Variants in APBB2 observed in about 807,000 individuals in gnomAD.
APBB2 encodes the protein amyloid beta precursor protein binding family B member 2, also known as Fe65-like 1.
A neutral mutation model predicts 82.5 loss-of-function variants in APBB2; 38 were observed. That is an observed-to-expected ratio of 0.46 (90% CI 0.36 to 0.60). The LOEUF is 0.60. Among genes scored for constraint, APBB2 ranks in the 20% least tolerant of loss-of-function variants. APBB2 has a pLI of 0.00. For synonymous variants in APBB2, 341 were observed against 368.2 expected, an observed-to-expected ratio of 0.93 and a Z score of 0.85; for missense variants, 772 against 972.3, an observed-to-expected ratio of 0.79 and a Z score of 2.74.
At chr4:40,965,435 G>C (rs1313435901) in intron 6 of APBB2, among the ~76,000 whole-genome samples, 1 of 152,148 alleles carries the variant, frequency 6.6e-6, no homozygotes, top group Non-Finnish European at 1.5e-5. Flanking sequence ...CCAAGTTCTA[G>C]AGCTGTGCTG....
At chr4:41,102,436 C>G (rs1217065690) in intron 2 of APBB2, among the ~76,000 whole-genome samples, 6 of 152,202 alleles carry the variant, frequency 3.9e-5, no homozygotes, top group Admixed American at 3.3e-4. Context: ...TATTACCATA[C>G]AGCACACTCA....
At chr4:40,822,286 G>A in intron 16 of APBB2, 2 of 508,746 alleles carry the variant, frequency 3.9e-6, no homozygotes, top group Non-Finnish European at 7.1e-6. Flanking sequence ...GGTGTGATGT[G>A]GGTCCCATTC....
At chr4:41,078,096 G>A (rs1469757700) in intron 3 of APBB2, among the ~76,000 whole-genome samples, 1 of 152,132 alleles carries the variant, frequency 6.6e-6, no homozygotes, top group Non-Finnish European at 1.5e-5. Flanking sequence ...AAAACAAACT[G>A]AGATATAACT....
chr4:41,137,172 G>A (rs1387375557), intron 2 of APBB2, among the ~76,000 whole-genome samples: 1 of 152,106 alleles, frequency 6.6e-6, no homozygotes, highest in African/African-American at 2.4e-5. Context: ...TAATTCATAG[G>A]TTTTCTATTT....
chr4:40,935,015 C>T, intron 8 of APBB2, 62 bp downstream of exon 8: 3 of 1,308,476 alleles, frequency 2.3e-6, no homozygotes, highest in Non-Finnish European at 3.1e-6. Flanking sequence ...GAAAAATATA[C>T]AGCCACAGCC....
intron 1 of APBB2, among the ~76,000 whole-genome samples, chr4:41,197,732 A>T: frequency 1.3e-5 from 2 of 152,118 alleles, no homozygotes; most frequent in African/African-American, 4.8e-5. Context: ...ACTTTTCCTG[A>T]TACTCCTAGG....
chr4:41,136,595 G>A (rs1263089779), intron 2 of APBB2, among the ~76,000 whole-genome samples: 1 of 152,188 alleles, frequency 6.6e-6, no homozygotes, highest in Non-Finnish European at 1.5e-5. Context: ...GAAGAAAGCA[G>A]GAAGCAGATA....
intron 5 of APBB2, among the ~76,000 whole-genome samples, chr4:41,015,283 T>C (rs1327954602): frequency 6.6e-6 from 1 of 152,188 alleles, no homozygotes; most frequent in Non-Finnish European, 1.5e-5. Context: ...GAAAGAAAGG[T>C]TTCTTAGACT....
intron 3 of APBB2, among the ~76,000 whole-genome samples, chr4:41,079,353 C>T (rs1253375976): frequency 6.6e-6 from 1 of 152,194 alleles, no homozygotes; most frequent in African/African-American, 2.4e-5. Context: ...CTGATTGATA[C>T]ATTGCTCCAG....
intron 2 of APBB2, among the ~76,000 whole-genome samples, chr4:41,113,566 A>G (rs919266181): frequency 6.6e-6 from 1 of 152,218 alleles, no homozygotes; most frequent in Non-Finnish European, 1.5e-5. Flanking sequence ...TGCAGATGAC[A>G]TGATTGTGTA....
At chr4:41,152,468 G>T (rs146058692) in intron 1 of APBB2, among the ~76,000 whole-genome samples, 2 of 151,774 alleles carry the variant, frequency 1.3e-5, no homozygotes, top group Non-Finnish European at 2.9e-5. Flanking sequence ...GACTACAGGC[G>T]CCCACCACCA....
chr4:40,933,434 C>T (rs73244006), intron 10 of APBB2, among the ~76,000 whole-genome samples: 4,164 of 152,266 alleles, frequency 0.027, 81 homozygotes, highest in Middle Eastern at 0.048. Flanking sequence ...TGTATTGCAA[C>T]ATCAGTGTTG....
chr4:41,186,052 C>T (rs62410021), intron 1 of APBB2, among the ~76,000 whole-genome samples: 7,861 of 152,218 alleles, frequency 0.052, 454 homozygotes, highest in African/African-American at 0.14. Context: ...GTTTATAGCA[C>T]AAGAATGTCT....
At chr4:40,936,253 T>G (rs958159350) in intron 7 of APBB2, among the ~76,000 whole-genome samples, 1 of 152,220 alleles carries the variant, frequency 6.6e-6, no homozygotes, top group Non-Finnish European at 1.5e-5. Flanking sequence ...GCATTTATTT[T>G]GTTTAAAAAT....
chr4:41,103,669 T>C (rs1484459435), intron 2 of APBB2, among the ~76,000 whole-genome samples: 2 of 152,184 alleles, frequency 1.3e-5, no homozygotes, highest in Non-Finnish European at 2.9e-5. Context: ...AAACTGCTAG[T>C]TACAAATGGT....
chr4:40,884,915 A>T (rs1769784346), intron 12 of APBB2, among the ~76,000 whole-genome samples: 1 of 152,276 alleles, frequency 6.6e-6, no homozygotes, highest in Non-Finnish European at 1.5e-5. Context: ...CAGATAGAAC[A>T]ATCAAGTCAA....
At chr4:40,991,952 GCTCTCACTCTCCCTCCTCCTCCCCAT>G (rs967363493) in intron 6 of APBB2, among the ~76,000 whole-genome samples, 13 of 152,070 alleles carry the variant, frequency 8.5e-5, no homozygotes, top group African/African-American at 3.1e-4. Context: ...TCAGAACACT[GCTCTCACTCTCCCTCCTCCTCCCCAT>G]CTCTCTCTCT....
intron 4 of APBB2, among the ~76,000 whole-genome samples, chr4:41,055,327 G>A (rs1270079915): frequency 1.3e-5 from 2 of 152,182 alleles, no homozygotes; most frequent in African/African-American, 2.4e-5. Flanking sequence ...TCTACTGGAA[G>A]GCTTTCCTAT....
At chr4:40,940,273 G>A (rs1478535079) in intron 7 of APBB2, among the ~76,000 whole-genome samples, 1 of 152,152 alleles carries the variant, frequency 6.6e-6, no homozygotes, top group Non-Finnish European at 1.5e-5. Flanking sequence ...GAAGGGACAT[G>A]CAAATAAAAA....
Sources: gnomAD v4.1 joint callset for allele counts (sites outside exome capture counted in the v4.1 genomes callset) on GRCh38, gnomAD v4.1.1 for gene constraint, MANE v1.5 for transcripts, NCBI Gene and HGNC (gene_info 2026-07-23, HGNC 2026-07-21) for gene names.